The following DOCK2 variants were observed in gnomAD, a reference collection of about 807,000 sequenced individuals.
DOCK2 encodes dedicator of cytokinesis protein 2.
A neutral mutation model predicts 248.9 loss-of-function variants in DOCK2; 87 were observed. That is an observed-to-expected ratio of 0.35 (90% CI 0.29 to 0.42). The LOEUF is 0.42. Among genes scored for constraint, DOCK2 ranks in the 10% least tolerant of loss-of-function variants. The pLI is 1.00. For synonymous variants in DOCK2, 805 were observed against 821.6 expected (o/e 0.98, Z 0.35); for missense variants, 1,747 against 2,300.2 (o/e 0.76, Z 4.92).
intron 25 of DOCK2, among the ~76,000 whole-genome samples, chr5:169,798,709 CCTTGGT>C (rs1766799776): frequency 6.6e-6 from 1 of 152,110 alleles, no homozygotes; most frequent in African/African-American, 2.4e-5. Context: ...GGTAGTTAAC[CCTTGGT>C]CATTCCTTTC....
At chr5:169,881,437 T>C in intron 27 of DOCK2, 1 of 1,551,464 alleles carries the variant, frequency 6.4e-7, no homozygotes. Context: ...TCGATAAAAG[T>C]TGCGCCTGCA....
intron 3 of DOCK2, among the ~76,000 whole-genome samples, chr5:169,670,016 G>A (rs1758953009): frequency 1.3e-5 from 2 of 152,322 alleles, no homozygotes; most frequent in Middle Eastern, 3.4e-3. Flanking sequence ...AAGAACAATG[G>A]AATAAATGCA....
At chr5:169,644,795 C>A (rs1346234646) in intron 1 of DOCK2, among the ~76,000 whole-genome samples, 4 of 151,994 alleles carry the variant, frequency 2.6e-5, no homozygotes, top group Non-Finnish European at 4.4e-5. Context: ...TTCCTTGCAA[C>A]TCCCCCACCC....
At chr5:169,867,990 T>C (rs1771699585) in intron 27 of DOCK2, among the ~76,000 whole-genome samples, 1 of 152,162 alleles carries the variant, frequency 6.6e-6, no homozygotes, top group Non-Finnish European at 1.5e-5. Context: ...TTCACAATGC[T>C]CCTAGCTCCT....
chr5:170,082,305 A>C (rs1758062568), intron 51 of DOCK2, among the ~76,000 whole-genome samples: 1 of 152,070 alleles, frequency 6.6e-6, no homozygotes, highest in Non-Finnish European at 1.5e-5. Context: ...AACCTATATC[A>C]CAAAATCCTA....
chr5:169,694,166 G>A (rs1010802471), intron 9 of DOCK2, among the ~76,000 whole-genome samples: 2 of 152,240 alleles, frequency 1.3e-5, no homozygotes, highest in African/African-American at 4.8e-5. Flanking sequence ...CATAGTGAGA[G>A]GCAGGGGATG....
intron 25 of DOCK2, among the ~76,000 whole-genome samples, chr5:169,787,613 T>C (rs1246609757): frequency 3.9e-5 from 6 of 152,094 alleles, no homozygotes; most frequent in African/African-American, 1.4e-4. Flanking sequence ...TCTGGGCCTG[T>C]TGTGGCTCCC....
intron 23 of DOCK2, among the ~76,000 whole-genome samples, chr5:169,754,593 C>T (rs1410495080): frequency 6.6e-6 from 1 of 152,120 alleles, no homozygotes; most frequent in Non-Finnish European, 1.5e-5. Context: ...GCTCTTTTTC[C>T]ACTTCCTCCT....
rs6878013 is a variant in DOCK2, at chr5:169,763,083, A to G, written c.2554+1458A>G. On this transcript the variant is annotated intron_variant, in intron 25 of 51. Coordinates refer to ENST00000520908, the MANE Select transcript of DOCK2 (RefSeq NM_004946.3). The surrounding 1 kb of genome is among the most constrained non-coding windows in gnomAD (Gnocchi z 4.1). Reference sequence around the variant, plus strand: ...TGGTTTCCTGACCCTTTAGACAGATATGTGACAACAGATTAATCCAATAAA... The same window carrying G: ...TGGTTTCCTGACCCTTTAGACAGATGTGTGACAACAGATTAATCCAATAAA... Among the ~76,000 whole-genome samples the G allele has an allele frequency of 0.14, 20,879 of 152,206 alleles. 2,412 individuals are homozygous for G. Among genetic ancestry groups the G allele is most frequent in the Admixed American group, 0.29 (4,436 of 15,290 alleles).
chr5:169,866,328 G>A (rs879652713), intron 27 of DOCK2, among the ~76,000 whole-genome samples: 1 of 152,170 alleles, frequency 6.6e-6, no homozygotes, highest in Non-Finnish European at 1.5e-5. Context: ...TGAAACATAG[G>A]CTGTGGTTTT....
chr5:169,829,299 G>A (rs538447809), intron 26 of DOCK2, among the ~76,000 whole-genome samples: 1 of 152,296 alleles, frequency 6.6e-6, no homozygotes, highest in East Asian at 1.9e-4. Context: ...AAAGCGGCAT[G>A]CATTAAACAT....
At chr5:169,703,773 A>G (rs1172945776) in intron 14 of DOCK2, among the ~76,000 whole-genome samples, 1 of 152,240 alleles carries the variant, frequency 6.6e-6, no homozygotes, top group Non-Finnish European at 1.5e-5. Context: ...ACTTGACTCA[A>G]AGGAACATAA....
At chr5:169,800,599 A>C (rs907160864) in intron 25 of DOCK2, among the ~76,000 whole-genome samples, 20 of 152,368 alleles carry the variant, frequency 1.3e-4, no homozygotes, top group African/African-American at 4.8e-4. Context: ...ATTAGATCCT[A>C]TAAAGTCTTC....
intron 35 of DOCK2, 22 bp from the exon 36 acceptor site, chr5:170,036,492 AT>A: frequency 3.7e-6 from 6 of 1,611,982 alleles, no homozygotes; most frequent in Admixed American, 1.7e-5. Flanking sequence ...AACACTCATC[AT>A]TGTTTTTCCT....
At chr5:169,931,915 T>C (rs1775775838) in intron 27 of DOCK2, among the ~76,000 whole-genome samples, 1 of 152,176 alleles carries the variant, frequency 6.6e-6, no homozygotes, top group Non-Finnish European at 1.5e-5. Context: ...AGGGAAAATA[T>C]CATGCATTCA....
In DOCK2 at chr5:169,781,076, T is replaced by C. The variant is rs261585; in HGVS notation, c.2554+19451T>C. Among the ~76,000 whole-genome samples, 1,326 of 152,314 alleles carry C rather than the reference T, an allele frequency of 8.7e-3. 24 individuals carry two copies. Among genetic ancestry groups the C allele is most frequent in the African/African-American group, 0.03 (1,253 of 41,556 alleles). On this transcript the variant is annotated intron_variant, in intron 25 of 51. Transcript: ENST00000520908. ...CAGGGTGCCGGGCGGAAACCAGCCT[T>C]GGACAGGATGCCATTCCGTCACGAG...
At chr5:169,843,272 C>T (rs953296355) in intron 27 of DOCK2, among the ~76,000 whole-genome samples, 1 of 152,022 alleles carries the variant, frequency 6.6e-6, no homozygotes, top group Non-Finnish European at 1.5e-5. Context: ...TAGCTGTGAC[C>T]GCTCCCTCTT....
chr5:169,681,426 C>T (rs1759659069), intron 6 of DOCK2, among the ~76,000 whole-genome samples: 1 of 146,088 alleles, frequency 6.8e-6, no homozygotes, highest in Non-Finnish European at 1.5e-5. Context: ...ACCCAGCTAA[C>T]ATTTTTTTTT....
chr5:170,061,229 A>C (rs1355362773), intron 44 of DOCK2, among the ~76,000 whole-genome samples: 1 of 152,218 alleles, frequency 6.6e-6, no homozygotes, highest in Non-Finnish European at 1.5e-5. Flanking sequence ...ACTGAGGCTC[A>C]GCTTAGGGAA....
Sources: gnomAD v4.1 joint callset for allele counts (sites outside exome capture counted in the v4.1 genomes callset) on GRCh38, gnomAD v4.1.1 for gene constraint, Gnocchi (gnomAD v3.1) non-coding constraint, MANE v1.5 for transcripts, NCBI Gene and HGNC (gene_info 2026-07-23, HGNC 2026-07-21) for gene names.